PER3: variants seen among roughly 807,000 people sequenced by gnomAD.
PER3 encodes the protein period circadian protein homolog 3.
A neutral mutation model predicts 127.2 loss-of-function variants in PER3; 107 were observed. The observed-to-expected ratio is 0.84, with a 90% confidence interval of 0.72 to 0.99. The LOEUF (loss-of-function observed/expected upper bound fraction) is 0.99, where lower values mean the gene tolerates loss of function less well. Ranked by LOEUF, PER3 falls within the 50% of genes least tolerant of loss-of-function variation. PER3 has a pLI of 0.00. For missense variants in PER3, 1,560 were observed against 1,525.8 expected, an observed-to-expected ratio of 1.02 and a Z score of -0.37; for synonymous variants, 618 against 585.8, an observed-to-expected ratio of 1.05 and a Z score of -0.79.
intron 19 of PER3, among the ~76,000 whole-genome samples, chr1:7,831,630 C>T (rs1181719079): frequency 6.6e-6 from 1 of 152,166 alleles, no homozygotes; most frequent in Non-Finnish European, 1.5e-5. Context: ...TATTGCTGCT[C>T]CACTGAGTTG....
In PER3 at chr1:7,826,747, T is replaced by C. The variant is rs1479630812; in HGVS notation, c.2188+37T>C. The C allele has an allele frequency of 1.6e-6, 2 of 1,239,190 alleles. No homozygotes were observed. The highest frequency in any genetic ancestry group is 2.5e-5 in the South Asian group (2 of 81,154). 76.8% of individuals were successfully genotyped at this position (1,239,190 alleles called of 1,614,324 possible). ...TTTAAAAATAAATGCCATTAATCTA[T>C]GTAAATGTTACAAACTGTATCTAAG... is the stretch of plus-strand genomic sequence containing the variant. On this transcript the variant is annotated intron_variant, in intron 17 of 21. Coordinates refer to ENST00000377532, the MANE Select transcript of PER3 (RefSeq NM_001377275.1). This position sits in a 1 kb window ranked among gnomAD's most constrained non-coding sequence, Gnocchi z 4.2.
Position 7,819,399 on chromosome 1 carries a change from A to G in PER3, c.1637A>G (p.Asn546Ser), listed in dbSNP as rs749591353. ...CACAGCCCATCCTATCAACAGATCA[A>G]CTGTATCGACAGTGTCATCAGGTAT... Reference protein sequence around the residue: ...DEHSPSYQQINCIDSVIRYLK... With the variant: ...DEHSPSYQQISCIDSVIRYLK... The change falls in exon 14 of 22, where the codon AAC becomes AGC. Residue 546 changes from asparagine to serine, a missense_variant. Around this residue, in one of 3 missense-constraint regions of PER3, gnomAD observed 1,332 missense variants for 1,223.6 expected, o/e 1.09. Transcript: ENST00000377532. 2.0e-5 allele frequency: 33 copies of G among 1,614,042 alleles called. No individual in the cohort carries two copies. The highest frequency in any genetic ancestry group is 1.6e-4 in the Middle Eastern group (1 of 6,082).
chr1:7,821,168 C>T (rs748700731), intron 16 of PER3, among the ~76,000 whole-genome samples: 1 of 152,198 alleles, frequency 6.6e-6, no homozygotes, highest in Non-Finnish European at 1.5e-5. Flanking sequence ...TTTATTGCCA[C>T]TTGTCCTTTT....
Position 7,827,220 on chromosome 1 carries a change from G to T in PER3, c.2291G>T (p.Gly764Val). Residue 764 changes from glycine to valine, a missense_variant, in exon 18 of 22, where the codon GGC becomes GTC. This residue lies in a region of PER3 where 1,332 missense variants were observed against 1,223.6 expected (regional missense o/e 1.09). Coordinates refer to ENST00000377532, the MANE Select transcript of PER3 (RefSeq NM_001377275.1). ...CCAGACAGCAGCAGCTCGAACACCG[G>T]CTCTGGTCCCCGCAGGGGAGCGCAT... ...EPPDSSSSNT[G>V]SGPRRGAHQN... The T allele has an allele frequency of 1.2e-6, 2 of 1,613,990 alleles. No homozygotes were observed.
At chr1:7,794,067 C>T in intron 6 of PER3, 59 bp downstream of exon 6, 3 of 1,397,976 alleles carry the variant, frequency 2.1e-6, no homozygotes, top group Non-Finnish European at 3.1e-6. Context: ...GTTTATTTTG[C>T]AGTTGGTTTG....
chr1:7,836,955 G>A (rs755072857), intron 20 of PER3, 44 bp from the exon 21 acceptor site: 10 of 1,519,900 alleles, frequency 6.6e-6, no homozygotes, highest in Non-Finnish European at 9.0e-6. Flanking sequence ...AAAGAACCCT[G>A]TGTCTTATTC....
chr1:7,793,867 A>T (rs779361725), intron 5 of PER3, 90 bp from the exon 6 acceptor site: 14 of 1,086,360 alleles, frequency 1.3e-5, no homozygotes, highest in Non-Finnish European at 2.0e-5. Context: ...CTTTTAAAAA[A>T]TAGTTTGTTG....
At chr1:7,790,500 A>G (rs1416886743) in intron 5 of PER3, among the ~76,000 whole-genome samples, 1 of 152,242 alleles carries the variant, frequency 6.6e-6, no homozygotes, top group Non-Finnish European at 1.5e-5. Flanking sequence ...TATGGGAACT[A>G]TAATTCAAGA....
chr1:7,808,261 T>G (rs1335244050), intron 10 of PER3, among the ~76,000 whole-genome samples: 1 of 104,202 alleles, frequency 9.6e-6, no homozygotes, highest in Non-Finnish European at 2.1e-5. Context: ...AAAAAAAAAC[T>G]AGTATAGTAC....
In PER3 at chr1:7,793,892, A is replaced by T. The variant is rs2097133092; in HGVS notation, c.593-65A>T. On this transcript the variant is annotated intron_variant, in intron 5 of 21. Transcript: ENST00000377532. ...ATAGTTTGTTGTTTGATAATGGTGC[A>T]ACATTGTTTCACTGAGAAAGACCTG... 3.8e-6 allele frequency: 5 copies of T among 1,324,410 alleles called. No homozygotes were observed. In the East Asian group the frequency reaches 1.2e-4, roughly 30 times the overall value. 82.0% of individuals were successfully genotyped at this position (1,324,410 alleles called of 1,614,324 possible). A position where few individuals can be genotyped will look rare whatever the true frequency, so the allele number is the denominator to read the frequency against.
chr1:7,808,090 A>G (rs1366374287), intron 10 of PER3, among the ~76,000 whole-genome samples: 2 of 151,978 alleles, frequency 1.3e-5, no homozygotes, highest in Non-Finnish European at 2.9e-5. Flanking sequence ...AAAATTAGCC[A>G]GGCGTGGTGG....
intron 6 of PER3, among the ~76,000 whole-genome samples, chr1:7,795,566 G>A (rs1230380233): frequency 6.6e-6 from 1 of 152,242 alleles, no homozygotes; most frequent in African/African-American, 2.4e-5. Context: ...CAGGCAGAGG[G>A]AGCAGCAGGC....
chr1:7,806,238 A>G (rs1157544919), intron 10 of PER3, among the ~76,000 whole-genome samples: 2 of 152,176 alleles, frequency 1.3e-5, no homozygotes, highest in Non-Finnish European at 2.9e-5. Context: ...CCTTCCCAGC[A>G]GCACTGCAGG....
At chr1:7,821,883 T>C (rs1174384003) in intron 16 of PER3, among the ~76,000 whole-genome samples, 1 of 152,254 alleles carries the variant, frequency 6.6e-6, no homozygotes, top group Non-Finnish European at 1.5e-5. Context: ...GTTTGCATCC[T>C]GACTCAGATG....
At position 7,826,823 on chromosome 1, in the gene PER3, T is replaced by TG. The variant is rs2097303626; in HGVS notation, c.2188+115dup. ...AGGAGTTTTACTTGTAAGAAACTGA[T>TG]GGAGAGATGCTGAAACAATCTATTT... is the stretch of plus-strand genomic sequence containing the variant. On this transcript the variant is annotated intron_variant, in intron 17 of 21. Transcript: ENST00000377532. This position sits in a 1 kb window ranked among gnomAD's most constrained non-coding sequence, Gnocchi z 4.2. 2.9e-6 allele frequency: 2 copies of TG among 678,218 alleles called. No homozygotes were observed. The highest frequency in any genetic ancestry group is 5.1e-6 in the Non-Finnish European group (2 of 391,392). 42.0% of individuals were successfully genotyped at this position (678,218 alleles called of 1,614,324 possible).
chr1:7,840,477 C>G (rs1450727625), intron 21 of PER3, among the ~76,000 whole-genome samples: 1 of 151,384 alleles, frequency 6.6e-6, no homozygotes, highest in African/African-American at 2.4e-5. Flanking sequence ...CACCACCATG[C>G]CCAGCTAATT....
At position 7,837,049 on chromosome 1, in the gene PER3, G is replaced by A. The variant is rs755051822; in HGVS notation, c.3449G>A (p.Arg1150Lys). The A allele has an allele frequency of 6.2e-7, 1 of 1,613,826 alleles. No individual in the cohort carries two copies. The highest frequency in any genetic ancestry group is 8.5e-7 in the Non-Finnish European group (1 of 1,179,740). ...KEDLEKLESM[R>K]QQQPQFSHGQ... ...GACCTGGAAAAGCTAGAAAGTATGAGGCAGCAGCAGCCCCAGTTTTCTCAT... is the reference window on the plus strand; with the variant it reads ...GACCTGGAAAAGCTAGAAAGTATGAAGCAGCAGCAGCCCCAGTTTTCTCAT... The change falls in exon 21 of 22, where the codon AGG becomes AAG. Residue 1150 changes from arginine to lysine, a missense_variant. Arg to Lys is a conservative substitution (Grantham distance 26). Coordinates refer to ENST00000377532, the MANE Select transcript of PER3 (RefSeq NM_001377275.1).
intron 9 of PER3, among the ~76,000 whole-genome samples, 189 bp downstream of exon 9, chr1:7,803,342 A>G (rs1455245621): frequency 6.6e-6 from 1 of 151,240 alleles, no homozygotes; most frequent in Non-Finnish European, 1.5e-5. Context: ...TAATCCCAGC[A>G]CTTTGGGAGG....
chr1:7,832,021 T>C (rs867564855), intron 19 of PER3, among the ~76,000 whole-genome samples: 16 of 152,188 alleles, frequency 1.1e-4, no homozygotes, highest in South Asian at 6.2e-4. Flanking sequence ...CCTGGAGTTT[T>C]CTTGGTGAGG....
Sources: allele counts gnomAD v4.1 joint callset (sites outside exome capture counted in the v4.1 genomes callset), GRCh38; gene constraint gnomAD v4.1.1; regional missense constraint gnomAD v4.1.1; non-coding constraint Gnocchi (gnomAD v3.1); transcripts MANE v1.5; gene names NCBI Gene and HGNC (gene_info 2026-07-23, HGNC 2026-07-21).